The following ST6GAL1 variants were observed in gnomAD, a reference collection of about 807,000 sequenced individuals.
ST6GAL1 encodes ST6 beta-galactoside alpha-2,6-sialyltransferase 1.
ST6GAL1 carries 20 observed loss-of-function variants against 38.0 expected under a neutral mutation model. That is an observed-to-expected ratio of 0.53 (90% CI 0.37 to 0.77). The LOEUF is 0.77. ST6GAL1 is among the 30% of genes least tolerant of loss of function. The pLI is 0.00. For missense variants in ST6GAL1, 432 were observed against 496.4 expected, an observed-to-expected ratio of 0.87 and a Z score of 1.23; for synonymous variants, 196 against 188.2, an observed-to-expected ratio of 1.04 and a Z score of -0.34.
chr3:187,021,478 G>T (rs58409806), intron 2 of ST6GAL1, among the ~76,000 whole-genome samples: 55,638 of 151,534 alleles, frequency 0.37, 10,436 homozygotes, highest in Middle Eastern at 0.46. Flanking sequence ...AGTGGTTCAT[G>T]CCTGTAATCC....
intron 2 of ST6GAL1, among the ~76,000 whole-genome samples, chr3:186,977,358 G>T (rs1343382133): frequency 6.6e-6 from 1 of 152,166 alleles, no homozygotes; most frequent in Admixed American, 6.5e-5. Flanking sequence ...AGCTATTTTG[G>T]CTTCCTCTGC....
At position 187,031,094 on chromosome 3, in the gene ST6GAL1, A is replaced by T. The variant is rs576981939; in HGVS notation, c.-182-7648A>T. 3.3e-5 allele frequency among the ~76,000 whole-genome samples: 5 copies of T among 152,296 alleles called. No individual in the cohort carries two copies. In the South Asian group the frequency reaches 1.0e-3, roughly 32 times the overall value. Reference sequence around the variant, plus strand: ...TTGGGACAGATCTGCAAACAGATAAATGTCACATAGTTTGATGAGGGGAAG... The same window carrying T: ...TTGGGACAGATCTGCAAACAGATAATTGTCACATAGTTTGATGAGGGGAAG... On this transcript the variant is annotated intron_variant, in intron 2 of 7. Coordinates refer to ENST00000169298, the MANE Select transcript of ST6GAL1 (RefSeq NM_173216.2).
chr3:187,072,377 TGTG>T (rs1372322875), intron 5 of ST6GAL1: 22 of 207,116 alleles, frequency 1.1e-4, no homozygotes, highest in African/African-American at 4.2e-4. Flanking sequence ...TGTGTTGGAC[TGTG>T]TTGGCTGTGT....
chr3:187,044,420 A>G (rs189966114), intron 4 of ST6GAL1, among the ~76,000 whole-genome samples: 2 of 152,332 alleles, frequency 1.3e-5, no homozygotes, highest in African/African-American at 4.8e-5. Flanking sequence ...AAGTAGGCCC[A>G]AACTGGATTC....
chr3:187,067,065 TTTTC>T (rs1337310231), intron 5 of ST6GAL1, among the ~76,000 whole-genome samples: 12 of 146,578 alleles, frequency 8.2e-5, no homozygotes, highest in African/African-American at 1.6e-4. Flanking sequence ...GGCAATCTTC[TTTTC>T]TTTCTTTCTT....
chr3:187,032,261 G>A (rs1717778046), intron 2 of ST6GAL1, among the ~76,000 whole-genome samples: 1 of 152,116 alleles, frequency 6.6e-6, no homozygotes, highest in Admixed American at 6.5e-5. Context: ...GGAAGAGCTG[G>A]GATTGATGTA....
rs554191395 is a variant in ST6GAL1, at chr3:186,994,622, T to C, written c.-183+30696T>C. Among the ~76,000 whole-genome samples the C allele has an allele frequency of 2.0e-5, 3 of 152,356 alleles. No homozygotes were observed. The South Asian group carries it at 6.2e-4, about 32-fold the overall frequency. On this transcript the variant is annotated intron_variant, in intron 2 of 7. Transcript: ENST00000169298. ...ATTCAGCTGTTTATTTTTTCATTTTTGCTGTAGATATTTCAGTATGTATAT... is the reference window on the plus strand; with the variant it reads ...ATTCAGCTGTTTATTTTTTCATTTTCGCTGTAGATATTTCAGTATGTATAT...
At chr3:186,970,890 A>G (rs1383404968) in intron 2 of ST6GAL1, among the ~76,000 whole-genome samples, 4 of 152,216 alleles carry the variant, frequency 2.6e-5, no homozygotes, top group African/African-American at 7.2e-5. Context: ...TTGTGTGGAC[A>G]TAAATTTTTG....
intron 2 of ST6GAL1, among the ~76,000 whole-genome samples, chr3:187,035,225 A>G (rs985423739): frequency 7.2e-5 from 11 of 152,246 alleles, no homozygotes; most frequent in African/African-American, 2.4e-4. Flanking sequence ...AAGGAGAACT[A>G]CAAAACTTTG....
At chr3:187,013,295 TC>T (rs36067744) in intron 2 of ST6GAL1, among the ~76,000 whole-genome samples, 4 of 152,148 alleles carry the variant, frequency 2.6e-5, no homozygotes, top group African/African-American at 9.7e-5. Flanking sequence ...ATCTATTACT[TC>T]CCCTGTGCTT....
chr3:186,969,341 C>T (rs1715263373), intron 2 of ST6GAL1, among the ~76,000 whole-genome samples: 1 of 152,218 alleles, frequency 6.6e-6, no homozygotes, highest in African/African-American at 2.4e-5. Context: ...GCGTGAGCCA[C>T]AGCGCGCAGC....
At chr3:186,987,172 AAG>A (rs1228450928) in intron 2 of ST6GAL1, among the ~76,000 whole-genome samples, 2 of 102,256 alleles carry the variant, frequency 2.0e-5, no homozygotes, top group Non-Finnish European at 4.0e-5. Flanking sequence ...AAGAAAGAGA[AAG>A]AGAGACAGGG....
intron 2 of ST6GAL1, among the ~76,000 whole-genome samples, chr3:187,021,537 C>T (rs370807744): frequency 3.2e-4 from 49 of 151,736 alleles, no homozygotes; most frequent in African/African-American, 1.1e-3. Flanking sequence ...GTCAGGAGTT[C>T]GAGACCAGCC....
intron 2 of ST6GAL1, among the ~76,000 whole-genome samples, chr3:186,980,484 G>A (rs956623284): frequency 3.3e-5 from 5 of 152,044 alleles, no homozygotes; most frequent in African/African-American, 9.6e-5. Context: ...GGTCGGATGG[G>A]CGCGGTGGCT....
chr3:186,963,789 G>A lies in ST6GAL1; in HGVS notation c.-320G>A, dbSNP rs181959363. ...TTGTTTTTTAACCCTCTGCAGGCAAGGGGAGAGCCAGTTGCGCAGAGCCCT... is the reference window on the plus strand; with the variant it reads ...TTGTTTTTTAACCCTCTGCAGGCAAAGGGAGAGCCAGTTGCGCAGAGCCCT... On this transcript the variant is annotated 5_prime_UTR_variant, in exon 2 of 8. Transcript: ENST00000169298. 4 of 152,440 alleles carry A rather than the reference G, an allele frequency of 2.6e-5. No individual in the cohort carries two copies. The highest frequency in any genetic ancestry group is 7.2e-5 in the African/African-American group (3 of 41,576). 9.4% of individuals were successfully genotyped at this position (152,440 alleles called of 1,614,324 possible).
At chr3:186,947,681 G>A (rs1413890430) in intron 1 of ST6GAL1, among the ~76,000 whole-genome samples, 1 of 152,198 alleles carries the variant, frequency 6.6e-6, no homozygotes, top group African/African-American at 2.4e-5. Context: ...CCATCCAGCA[G>A]CCGTGTGGCC....
chr3:186,989,277 T>A (rs151143220), intron 2 of ST6GAL1, among the ~76,000 whole-genome samples: 1 of 152,332 alleles, frequency 6.6e-6, no homozygotes, highest in African/African-American at 2.4e-5. Context: ...CTTAAAAGGT[T>A]GTTTTTTGGA....
At chr3:186,988,066 C>T (rs1218929391) in intron 2 of ST6GAL1, among the ~76,000 whole-genome samples, 1 of 152,160 alleles carries the variant, frequency 6.6e-6, no homozygotes, top group Non-Finnish European at 1.5e-5. Context: ...AAGACCATCC[C>T]AAGTATCTCC....
chr3:186,985,577 A>G (rs59810716), intron 2 of ST6GAL1, among the ~76,000 whole-genome samples: 5,458 of 151,278 alleles, frequency 0.036, 263 homozygotes, highest in East Asian at 0.22. Flanking sequence ...TAGCCTGGGA[A>G]ACATGGCGAA....
Sources: allele counts gnomAD v4.1 joint callset (sites outside exome capture counted in the v4.1 genomes callset), GRCh38; gene constraint gnomAD v4.1.1; transcripts MANE v1.5; gene names NCBI Gene and HGNC (gene_info 2026-07-23, HGNC 2026-07-21).